The following ITPR2 variants were observed in gnomAD, a reference collection of about 807,000 sequenced individuals.
ITPR2 encodes the protein inositol 1,4,5-trisphosphate receptor type 2, also known as inositol 1,4,5-trisphosphate-gated calcium channel ITPR2.
Under a neutral mutation model 317.1 loss-of-function variants are expected in ITPR2, and 207 were observed. That is an observed-to-expected ratio of 0.65 (90% CI 0.58 to 0.73). ITPR2 has a LOEUF of 0.73. Ranked by LOEUF, ITPR2 falls within the 30% of genes least tolerant of loss-of-function variation. The pLI is 0.00. For missense variants in ITPR2, 2,613 were observed against 3,284.0 expected, an observed-to-expected ratio of 0.80 and a Z score of 4.99; for synonymous variants, 1,156 against 1,149.1, an observed-to-expected ratio of 1.01 and a Z score of -0.12.
chr12:26,565,484 T>TGATAGATAGATA lies in ITPR2; in HGVS notation c.4631-3544_4631-3533dup, dbSNP rs75320702. ...AAAATTGGATGAATAGATAGACAGATGATAGATAGATAGATAGATAGATAG... is the reference window on the plus strand; with the variant it reads ...AAAATTGGATGAATAGATAGACAGATGATAGATAGATAGATAGATAGATAGATAGATAGATAG... On this transcript the variant is annotated intron_variant, in intron 34 of 56. Transcript: ENST00000381340. Among the ~76,000 whole-genome samples the TGATAGATAGATA allele has an allele frequency of 2.5e-3, 352 of 138,850 alleles. 2 individuals carry two copies. The highest frequency in any genetic ancestry group is 4.7e-3 in the Admixed American group (67 of 14,118). The allele number at this position is 138,850 out of a possible 152,430, so 91.1% of individuals were successfully genotyped here.
intron 55 of ITPR2, among the ~76,000 whole-genome samples, chr12:26,344,605 T>G (rs1338431122): frequency 7.9e-5 from 12 of 152,160 alleles, no homozygotes; most frequent in African/African-American, 2.4e-4. Flanking sequence ...CAGCTCTCAG[T>G]GGACCATAGC....
At chr12:26,504,991 A>G (rs1441946457) in intron 37 of ITPR2, among the ~76,000 whole-genome samples, 1 of 152,226 alleles carries the variant, frequency 6.6e-6, no homozygotes, top group Admixed American at 6.5e-5. Context: ...GATATGCAGT[A>G]TGGTATTCAA....
intron 45 of ITPR2, among the ~76,000 whole-genome samples, chr12:26,445,387 A>G (rs903637695): frequency 6.6e-6 from 1 of 152,132 alleles, no homozygotes; most frequent in Non-Finnish European, 1.5e-5. Flanking sequence ...GATATTTAAA[A>G]TCATGAGCCT....
rs1001259441 is a variant in ITPR2 at position 26,704,507 on chromosome 12, G to A, written c.951+6666C>T. On this transcript the variant is annotated intron_variant, in intron 9 of 56. Coordinates refer to ENST00000381340, the MANE Select transcript of ITPR2 (RefSeq NM_002223.4). ...GCAGTGTTTCCTATGTCAAAGCATTGTAGTAATCTTTTCCAGATAAACATA... is the reference window on the plus strand; with the variant it reads ...GCAGTGTTTCCTATGTCAAAGCATTATAGTAATCTTTTCCAGATAAACATA... Among the ~76,000 whole-genome samples, 4 of 152,112 alleles carry A rather than the reference G, an allele frequency of 2.6e-5. No homozygotes were observed. In the South Asian group the frequency reaches 8.3e-4, roughly 31 times the overall value.
At chr12:26,683,859 G>A (rs1324057430) in intron 11 of ITPR2, among the ~76,000 whole-genome samples, 1 of 152,134 alleles carries the variant, frequency 6.6e-6, no homozygotes, top group Non-Finnish European at 1.5e-5. Context: ...TGTGTATAGT[G>A]TCTATTAAAA....
intron 37 of ITPR2, among the ~76,000 whole-genome samples, chr12:26,518,916 A>G (rs1423722212): frequency 2.0e-5 from 3 of 152,168 alleles, no homozygotes; most frequent in Non-Finnish European, 2.9e-5. Context: ...TTTCAACTAC[A>G]CGTAAACTTT....
intron 9 of ITPR2, among the ~76,000 whole-genome samples, chr12:26,701,772 T>C (rs1052273111): frequency 1.3e-5 from 2 of 152,222 alleles, no homozygotes; most frequent in Non-Finnish European, 2.9e-5. Flanking sequence ...ATCCACAGGC[T>C]ATTGAATAGT....
intron 30 of ITPR2, among the ~76,000 whole-genome samples, chr12:26,597,590 C>T (rs1400772910): frequency 6.6e-6 from 1 of 152,030 alleles, no homozygotes; most frequent in Non-Finnish European, 1.5e-5. Context: ...CTACAAAAGT[C>T]TACAAAATTC....
At chr12:26,639,607 C>T (rs1482396120) in intron 21 of ITPR2, among the ~76,000 whole-genome samples, 12 of 146,628 alleles carry the variant, frequency 8.2e-5, no homozygotes, top group African/African-American at 2.8e-4. Flanking sequence ...TCTCCTGATG[C>T]TATCCCTCCC....
At chr12:26,608,149 G>A (rs145752983) in intron 26 of ITPR2, among the ~76,000 whole-genome samples, 20 of 152,038 alleles carry the variant, frequency 1.3e-4, no homozygotes, top group South Asian at 4.2e-4. Context: ...ATAAAATAAT[G>A]GCATTTTTTG....
intron 21 of ITPR2, among the ~76,000 whole-genome samples, chr12:26,638,021 G>A (rs977771103): frequency 3.9e-5 from 6 of 152,274 alleles, no homozygotes; most frequent in Non-Finnish European, 8.8e-5. Context: ...TAACCAAAGT[G>A]TAGTAATGTT....
intron 10 of ITPR2, among the ~76,000 whole-genome samples, chr12:26,689,530 T>TGTTG (rs142994811): frequency 0.021 from 3,205 of 152,134 alleles, 138 homozygotes; most frequent in African/African-American, 0.074. Context: ...CTCAAAAGTG[T>TGTTG]GTTGGTTCAT....
intron 55 of ITPR2, among the ~76,000 whole-genome samples, chr12:26,370,193 C>G (rs570709009): frequency 2.8e-4 from 43 of 152,228 alleles, no homozygotes; most frequent in African/African-American, 9.2e-4. Context: ...GAATTTGTAC[C>G]TATTTGGTCC....
intron 9 of ITPR2, among the ~76,000 whole-genome samples, chr12:26,708,373 A>G (rs1948593129): frequency 6.6e-6 from 1 of 152,214 alleles, no homozygotes; most frequent in South Asian, 2.1e-4. Context: ...ATGAATGGAT[A>G]AAGAAAATGT....
chr12:26,479,366 T>G (rs1466118027), intron 43 of ITPR2, among the ~76,000 whole-genome samples: 1 of 152,102 alleles, frequency 6.6e-6, no homozygotes, highest in African/African-American at 2.4e-5. Context: ...TTACATAGGC[T>G]TTGATTTGTA....
chr12:26,434,619 T>C (rs1488499627), intron 48 of ITPR2, among the ~76,000 whole-genome samples: 1 of 152,166 alleles, frequency 6.6e-6, no homozygotes, highest in Non-Finnish European at 1.5e-5. Context: ...CTTCTTGTTA[T>C]TGACATGCTT....
intron 37 of ITPR2, among the ~76,000 whole-genome samples, chr12:26,522,885 G>C (rs1157174593): frequency 6.6e-6 from 1 of 152,190 alleles, no homozygotes; most frequent in Admixed American, 6.5e-5. Context: ...TACAGTTCAA[G>C]ACTGTTTTAC....
At chr12:26,779,900 G>A (rs150537680) in intron 2 of ITPR2, among the ~76,000 whole-genome samples, 2,587 of 152,346 alleles carry the variant, frequency 0.017, 42 homozygotes, top group Middle Eastern at 0.034. Context: ...GGAATTTGGG[G>A]AAGAGGTATG....
At chr12:26,450,890 C>T (rs1941723149) in intron 45 of ITPR2, among the ~76,000 whole-genome samples, 1 of 151,866 alleles carries the variant, frequency 6.6e-6, no homozygotes, top group Non-Finnish European at 1.5e-5. Flanking sequence ...ATGAGATGGG[C>T]CATGGGAAGC....
Sources: gnomAD v4.1 joint callset for allele counts (sites outside exome capture counted in the v4.1 genomes callset) on GRCh38, gnomAD v4.1.1 for gene constraint, MANE v1.5 for transcripts, NCBI Gene and HGNC (gene_info 2026-07-23, HGNC 2026-07-21) for gene names.